Variants in GPC6 observed in about 807,000 individuals in gnomAD.
GPC6 encodes glypican-6.
A neutral mutation model predicts 55.2 loss-of-function variants in GPC6; 14 were observed. The ratio of observed to expected loss-of-function variants is 0.25; its 90% CI spans 0.17 to 0.40. The LOEUF is 0.40. Among genes scored for constraint, GPC6 ranks in the 10% least tolerant of loss-of-function variants. GPC6 has a pLI of 1.00. For missense variants in GPC6, 641 were observed against 708.5 expected (o/e 0.90, Z 1.08); for synonymous variants, 278 against 259.6 (o/e 1.07, Z -0.68).
intron 4 of GPC6, among the ~76,000 whole-genome samples, chr13:94,092,892 T>G (rs546790760): frequency 6.6e-6 from 1 of 152,150 alleles, no homozygotes; most frequent in Non-Finnish European, 1.5e-5. Context: ...GTTGAACATG[T>G]TTTATATACC....
At chr13:93,930,670 A>G (rs1878121212) in intron 3 of GPC6, among the ~76,000 whole-genome samples, 1 of 152,172 alleles carries the variant, frequency 6.6e-6, no homozygotes, top group African/African-American at 2.4e-5. Context: ...ACTGATGGGC[A>G]GATTGGAAGC....
intron 4 of GPC6, among the ~76,000 whole-genome samples, chr13:94,248,976 A>T (rs1891276707): frequency 6.6e-6 from 1 of 152,120 alleles, no homozygotes; most frequent in Admixed American, 6.6e-5. Context: ...TAACCGCTGC[A>T]TATTTTCCAT....
intron 2 of GPC6, among the ~76,000 whole-genome samples, chr13:93,823,460 G>A (rs1887125700): frequency 6.6e-6 from 1 of 151,888 alleles, no homozygotes; most frequent in Admixed American, 6.6e-5. Context: ...CTGCAAACTA[G>A]ATAAACTAAT....
chr13:93,592,058 G>GT (rs1355803717), intron 2 of GPC6, among the ~76,000 whole-genome samples: 6 of 152,116 alleles, frequency 3.9e-5, no homozygotes, highest in African/African-American at 9.7e-5. Context: ...TCTGATGAAT[G>GT]TATTAACTGC....
chr13:94,322,494 A>T (rs1876880968), intron 6 of GPC6, among the ~76,000 whole-genome samples: 3 of 152,200 alleles, frequency 2.0e-5, no homozygotes. Flanking sequence ...TGTGTCTCGT[A>T]CAACTACTTA....
At chr13:93,931,760 T>C (rs1878188763) in intron 3 of GPC6, among the ~76,000 whole-genome samples, 1 of 120,564 alleles carries the variant, frequency 8.3e-6, no homozygotes. Flanking sequence ...CAAGACTCTG[T>C]CTCAGAAAAA....
intron 2 of GPC6, among the ~76,000 whole-genome samples, chr13:93,579,702 C>G (rs1490785840): frequency 6.6e-6 from 1 of 152,092 alleles, no homozygotes; most frequent in East Asian, 1.9e-4. Context: ...TTGAAGTCTA[C>G]AATTAAATTT....
At chr13:94,076,581 TG>T (rs1238665479) in intron 4 of GPC6, among the ~76,000 whole-genome samples, 2 of 152,056 alleles carry the variant, frequency 1.3e-5, no homozygotes, top group African/African-American at 4.8e-5. Flanking sequence ...GCTTTTCCTG[TG>T]TGTTTTCTCC....
At chr13:93,399,890 G>A (rs1037802329) in intron 1 of GPC6, among the ~76,000 whole-genome samples, 5 of 152,174 alleles carry the variant, frequency 3.3e-5, no homozygotes, top group African/African-American at 1.2e-4. Context: ...GCTTCTTTTA[G>A]CTCAGAAGGA....
chr13:93,709,190 A>G lies in GPC6; in HGVS notation c.320-120964A>G, dbSNP rs138219493. 2.9e-3 allele frequency among the ~76,000 whole-genome samples: 448 copies of G among 151,944 alleles called. 1 individual carries two copies. Among genetic ancestry groups the G allele is most frequent in the Non-Finnish European group, 5.3e-3 (360 of 67,840 alleles). On this transcript the variant is annotated intron_variant, in intron 2 of 8. Transcript: ENST00000377047. The stretch of plus-strand genomic sequence containing the variant: ...AAAGAAAGTAGGTTATAAGGTGGAT[A>G]TCAATCTAGCCTGCCTTTCTTCCAA...
At chr13:93,527,056 A>T (rs1035604645) in intron 1 of GPC6, among the ~76,000 whole-genome samples, 2 of 151,722 alleles carry the variant, frequency 1.3e-5, no homozygotes, top group Admixed American at 6.6e-5. Context: ...TTTTTTTTTT[A>T]AAAAGCTTTC....
intron 2 of GPC6, among the ~76,000 whole-genome samples, chr13:93,722,979 G>T (rs1358309665): frequency 6.6e-6 from 1 of 151,878 alleles, no homozygotes; most frequent in Non-Finnish European, 1.5e-5. Flanking sequence ...CTGTGTCTGT[G>T]AAGACCTTAT....
chr13:94,269,911 A>C (rs1001616668), intron 4 of GPC6, among the ~76,000 whole-genome samples: 1 of 152,204 alleles, frequency 6.6e-6, no homozygotes, highest in South Asian at 2.1e-4. Flanking sequence ...TCGTGAGCTC[A>C]GTGTCAGATG....
intron 3 of GPC6, among the ~76,000 whole-genome samples, chr13:94,001,079 A>G (rs1409042999): frequency 6.6e-6 from 1 of 152,138 alleles, no homozygotes; most frequent in Non-Finnish European, 1.5e-5. Flanking sequence ...AAGACAAAAT[A>G]GAGTAATTGA....
intron 1 of GPC6, among the ~76,000 whole-genome samples, chr13:93,321,675 C>T (rs1231189914): frequency 6.6e-6 from 1 of 152,246 alleles, no homozygotes; most frequent in East Asian, 1.9e-4. Context: ...AAAGCAGGAG[C>T]ATTTATATTT....
intron 3 of GPC6, among the ~76,000 whole-genome samples, chr13:93,912,467 GGT>G: frequency 6.6e-6 from 1 of 152,222 alleles, no homozygotes; most frequent in Admixed American, 6.5e-5. Flanking sequence ...AATTCGGCCG[GGT>G]GCAGTGGCTC....
At chr13:93,384,231 A>G (rs1464538519) in intron 1 of GPC6, among the ~76,000 whole-genome samples, 1 of 152,174 alleles carries the variant, frequency 6.6e-6, no homozygotes, top group Non-Finnish European at 1.5e-5. Flanking sequence ...AGATTTTTTT[A>G]AAGTGGCTAC....
chr13:93,244,962 C>A (rs1876552016), intron 1 of GPC6, among the ~76,000 whole-genome samples: 1 of 152,074 alleles, frequency 6.6e-6, no homozygotes, highest in Non-Finnish European at 1.5e-5. Context: ...ATAAGAATCC[C>A]AATAAATTGA....
intron 4 of GPC6, among the ~76,000 whole-genome samples, chr13:94,168,988 G>T (rs937796209): frequency 3.9e-5 from 6 of 152,122 alleles, no homozygotes; most frequent in Admixed American, 3.3e-4. Flanking sequence ...TTGGACCAGG[G>T]TAAGTTCCAC....
Sources: gnomAD v4.1 joint callset for allele counts (sites outside exome capture counted in the v4.1 genomes callset) on GRCh38, gnomAD v4.1.1 for gene constraint, MANE v1.5 for transcripts, NCBI Gene and HGNC (gene_info 2026-07-23, HGNC 2026-07-21) for gene names.